FAT1: variants seen among roughly 807,000 people sequenced by gnomAD.
The protein encoded by FAT1 is FAT atypical cadherin 1.
A neutral mutation model predicts 329.8 loss-of-function variants in FAT1; 171 were observed. That is an observed-to-expected ratio of 0.52 (90% CI 0.46 to 0.59). The LOEUF (loss-of-function observed/expected upper bound fraction) is 0.59. Ranked by LOEUF, FAT1 falls within the 20% of genes least tolerant of loss-of-function variation. The pLI, the probability that FAT1 is intolerant of heterozygous loss-of-function variation, is 0.00. For synonymous variants in FAT1, 2,233 were observed against 2,228.6 expected (o/e 1.00, Z -0.06); for missense variants, 5,672 against 5,774.4 (o/e 0.98, Z 0.57).
At chr4:186,641,462 A>C (rs1428020611) in intron 3 of FAT1, among the ~76,000 whole-genome samples, 2 of 152,190 alleles carry the variant, frequency 1.3e-5, no homozygotes, top group African/African-American at 4.8e-5. Context: ...AGGAACGACA[A>C]GGAGCCCCTT....
rs1744777029 is a variant in FAT1 at position 186,708,675 on chromosome 4, G to A, written c.1153C>T (p.Pro385Ser). 8 of 1,613,712 alleles carry A rather than the reference G, an allele frequency of 5.0e-6. No homozygotes were observed. Among genetic ancestry groups the A allele is most frequent in the Admixed American group, 3.3e-5 (2 of 60,002 alleles). The change falls in exon 2 of 27, where the codon CCT becomes TCT. Residue 385 changes from proline (P) to serine (S), a missense_variant. Pro to Ser is a moderately conservative substitution (Grantham distance 74). This residue lies in a region of FAT1 where 3,966 missense variants were observed against 3,915.2 expected (regional missense o/e 1.01). Coordinates refer to ENST00000441802, the MANE Select transcript of FAT1 (RefSeq NM_005245.4). ...EISEFAPPNT[P>S]VVMVKAIPAY... ...GGAATGGCCTTTACCATGACCACAG[G>A]TGTGTTGGGAGGAGCAAATTCACTT...
chr4:186,671,737 G>C (rs1022922247), intron 2 of FAT1, among the ~76,000 whole-genome samples: 2 of 151,942 alleles, frequency 1.3e-5, no homozygotes, highest in Non-Finnish European at 2.9e-5. Flanking sequence ...AACGATACTA[G>C]TTTGACATGC....
rs1369915407 is a variant in FAT1, at chr4:186,628,214, C to A, written c.4750G>T (p.Val1584Leu). Residue 1584 changes from valine (V) to leucine (L), a missense_variant, in exon 9 of 27, where the codon GTG becomes TTG. Around this residue, in one of 2 missense-constraint regions of FAT1, gnomAD observed 3,966 missense variants for 3,915.2 expected, o/e 1.01. Coordinates refer to ENST00000441802, the MANE Select transcript of FAT1 (RefSeq NM_005245.4). ...SAAVGSVVLQVTALDKDKGKN... is the reference protein window; with the variant it reads ...SAAVGSVVLQLTALDKDKGKN... Reference sequence around the variant, plus strand: ...CCTTTGTCCTTGTCCAGAGCCGTCACCTGCAACACAACTGAGCCAACGGCT... The same window carrying A: ...CCTTTGTCCTTGTCCAGAGCCGTCAACTGCAACACAACTGAGCCAACGGCT... The A allele has an allele frequency of 6.2e-7, 1 of 1,613,966 alleles. No individual in the cohort carries two copies. Among genetic ancestry groups the A allele is most frequent in the Admixed American group, 1.7e-5 (1 of 60,016 alleles).
At chr4:186,656,030 G>A (rs972404044) in intron 3 of FAT1, among the ~76,000 whole-genome samples, 2 of 152,262 alleles carry the variant, frequency 1.3e-5, no homozygotes, top group African/African-American at 2.4e-5. Context: ...GGCAAAGGCC[G>A]AAGGCCGTGC....
At position 186,604,363 on chromosome 4, in the gene FAT1, A is replaced by G. The variant is rs752244752; in HGVS notation, c.10548+14T>C. ...ATGAATCCACAACCAAACCACAAAG[A>G]AAGCCATTCATACCTTCACCTGCAG... On this transcript the variant is annotated intron_variant, in intron 18 of 26. Coordinates refer to ENST00000441802, the MANE Select transcript of FAT1 (RefSeq NM_005245.4). 1 of 1,603,218 alleles carries G rather than the reference A, an allele frequency of 6.2e-7. No individual in the cohort carries two copies. The highest frequency in any genetic ancestry group is 1.1e-5 in the South Asian group (1 of 89,082).
At chr4:186,639,009 C>A (rs1740972639) in intron 4 of FAT1, among the ~76,000 whole-genome samples, 1 of 152,140 alleles carries the variant, frequency 6.6e-6, no homozygotes, top group Non-Finnish European at 1.5e-5. Flanking sequence ...CACCTTCCCT[C>A]TCCAAATTAC....
chr4:186,619,145 T>C lies in FAT1; in HGVS notation c.7441A>G (p.Thr2481Ala). The C allele has an allele frequency of 1.2e-6, 2 of 1,613,908 alleles. No homozygotes were observed. The highest frequency in any genetic ancestry group is 8.5e-7 in the Non-Finnish European group (1 of 1,179,900). Residue 2481 changes from threonine to alanine, a missense_variant, in exon 10 of 27, where the codon ACT (threonine) becomes GCT (alanine). Physicochemically the swap from Thr to Ala is moderately conservative, Grantham distance 58. This residue lies in a region of FAT1 where 3,966 missense variants were observed against 3,915.2 expected (regional missense o/e 1.01). Coordinates refer to ENST00000441802, the MANE Select transcript of FAT1 (RefSeq NM_005245.4). ...CTGTGCAAATTGCCTCCAATTACAG[T>C]TACATGAACCTGGGTGGAACTTCTA... ...VFRSSTQVHV[T>A]VIGGNLHSPA...
intron 14 of FAT1, among the ~76,000 whole-genome samples, chr4:186,610,646 T>TTTATATAAATATAAATTATATAAA (rs1739380338): frequency 1.2e-5 from 1 of 84,678 alleles, no homozygotes; most frequent in Non-Finnish European, 2.5e-5. Flanking sequence ...ATTTATATAA[T>TTTATATAAATATAAATTATATAAA]TTATATAAAT....
chr4:186,669,990 G>GGA (rs1217404409), intron 2 of FAT1, among the ~76,000 whole-genome samples: 1 of 152,198 alleles, frequency 6.6e-6, no homozygotes, highest in Non-Finnish European at 1.5e-5. Context: ...AGGTGGAACA[G>GGA]GACTCTTGCA....
In FAT1 at chr4:186,587,849, T is replaced by G. The variant is rs1381415584; in HGVS notation, c.*743A>C. Reference sequence around the variant, plus strand: ...AAGACTGGCTAATGGTAGTTTTCATTAAAAACCTTTACAAGACCATTGCAT... The same window carrying G: ...AAGACTGGCTAATGGTAGTTTTCATGAAAAACCTTTACAAGACCATTGCAT... On this transcript the variant is annotated 3_prime_UTR_variant, in exon 27 of 27. Transcript: ENST00000441802. 1.4e-5 allele frequency: 3 copies of G among 210,094 alleles called. No individual in the cohort carries two copies. The highest frequency in any genetic ancestry group is 1.9e-5 in the Non-Finnish European group (2 of 103,482). 13.0% of individuals were successfully genotyped at this position (210,094 alleles called of 1,614,324 possible). A position where few individuals can be genotyped will look rare whatever the true frequency, so the allele number is the denominator to read the frequency against.
intron 3 of FAT1, among the ~76,000 whole-genome samples, chr4:186,640,574 G>C (rs1741044753): frequency 6.6e-6 from 1 of 152,104 alleles, no homozygotes; most frequent in African/African-American, 2.4e-5. Flanking sequence ...ATAAAGAACT[G>C]TTATAAAAAG....
intron 11 of FAT1, among the ~76,000 whole-genome samples, chr4:186,615,546 C>G (rs1182597612): frequency 1.3e-5 from 2 of 152,156 alleles, no homozygotes; most frequent in Non-Finnish European, 2.9e-5. Context: ...ACTTCACTCT[C>G]TGATCTGCCA....
intron 1 of FAT1, among the ~76,000 whole-genome samples, chr4:186,716,374 G>A (rs747291320): frequency 1.3e-5 from 2 of 151,890 alleles, no homozygotes; most frequent in Non-Finnish European, 2.9e-5. Context: ...TTGGAATTTC[G>A]AGTTCAGTTC....
chr4:186,689,649 C>T (rs998998059), intron 2 of FAT1, among the ~76,000 whole-genome samples: 12 of 152,226 alleles, frequency 7.9e-5, no homozygotes, highest in African/African-American at 2.9e-4. Flanking sequence ...TTTTCAGCAA[C>T]ACCAGTGTAA....
chr4:186,645,366 C>CATATAT (rs70964973), intron 3 of FAT1, among the ~76,000 whole-genome samples: 10 of 35,454 alleles, frequency 2.8e-4, no homozygotes, highest in African/African-American at 3.6e-4. Context: ...TACTTCATTA[C>CATATAT]ATATATATAT....
intron 3 of FAT1, among the ~76,000 whole-genome samples, chr4:186,658,944 TA>T (rs891845207): frequency 3.2e-4 from 48 of 152,146 alleles, no homozygotes; most frequent in Non-Finnish European, 6.3e-4. Context: ...AAAGATTTGG[TA>T]AAAAAATTTC....
At chr4:186,667,622 G>A (rs974510192) in intron 2 of FAT1, among the ~76,000 whole-genome samples, 1 of 152,136 alleles carries the variant, frequency 6.6e-6, no homozygotes, top group Non-Finnish European at 1.5e-5. Context: ...AGGGAGAGGA[G>A]GGCACACCGA....
At position 186,588,699 on chromosome 4, in the gene FAT1, C is replaced by T. The variant is rs748762429; in HGVS notation, c.13660G>A (p.Glu4554Lys). 1.1e-5 allele frequency: 18 copies of T among 1,613,824 alleles called. No homozygotes were observed. Among genetic ancestry groups the T allele is most frequent in the African/African-American group, 5.3e-5 (4 of 74,890 alleles). The change falls in exon 27 of 27, where the codon GAA (glutamate) becomes AAA (lysine). Residue 4554 changes from glutamate to lysine, a missense_variant. Glu to Lys is a moderately conservative substitution (Grantham distance 56). Transcript: ENST00000441802. ...ASCSDVSACC[E>K]VESEVMMSDY... The stretch of plus-strand genomic sequence containing the variant: ...CTCATCATGACCTCGGACTCCACTT[C>T]GCAGCAGGCTGACACGTCAGAGCAG...
At chr4:186,672,642 AC>A (rs1447673420) in intron 2 of FAT1, among the ~76,000 whole-genome samples, 1 of 152,156 alleles carries the variant, frequency 6.6e-6, no homozygotes, top group East Asian at 1.9e-4. Flanking sequence ...CCTTACAGCA[AC>A]CCTAAGAAGT....
Sources: gnomAD v4.1 joint callset for allele counts (sites outside exome capture counted in the v4.1 genomes callset) on GRCh38, gnomAD v4.1.1 for gene constraint, gnomAD v4.1.1 regional missense constraint, MANE v1.5 for transcripts, NCBI Gene and HGNC (gene_info 2026-07-23, HGNC 2026-07-21) for gene names.